Variants in PDCD1LG2 observed in about 807,000 individuals in gnomAD.
PDCD1LG2 encodes the protein B7 dendritic cell molecule.
A neutral mutation model predicts 28.2 loss-of-function variants in PDCD1LG2; 32 were observed. The ratio of observed to expected loss-of-function variants is 1.13; its 90% CI spans 0.86 to 1.52. The LOEUF (loss-of-function observed/expected upper bound fraction) is 1.52, where lower values mean the gene tolerates loss of function less well. Ranked by LOEUF, PDCD1LG2 falls within the 40% of genes most tolerant of loss-of-function variation. The pLI is 0.00. For missense variants in PDCD1LG2, 385 were observed against 323.8 expected, an observed-to-expected ratio of 1.19 and a Z score of -1.45; for synonymous variants, 116 against 120.2, an observed-to-expected ratio of 0.97 and a Z score of 0.23.
intron 3 of PDCD1LG2, among the ~76,000 whole-genome samples, chr9:5,548,574 T>C (rs1816258610): frequency 6.6e-6 from 1 of 152,212 alleles, no homozygotes; most frequent in South Asian, 2.1e-4. Flanking sequence ...AGGACCTCTA[T>C]ACTATTTTCC....
chr9:5,564,625 A>ATG (rs1816628010), intron 6 of PDCD1LG2, among the ~76,000 whole-genome samples: 1 of 152,154 alleles, frequency 6.6e-6, no homozygotes, highest in African/African-American at 2.4e-5. Flanking sequence ...CCCCCCAAAC[A>ATG]CTGTTTTCAT....
intron 2 of PDCD1LG2, 74 bp downstream of exon 2, chr9:5,522,675 A>C: frequency 5.1e-6 from 7 of 1,359,852 alleles, no homozygotes; most frequent in African/African-American, 1.4e-5. Flanking sequence ...AAAAATGAGA[A>C]TGTGGCCCTC....
chr9:5,538,605 G>A (rs1820628991), intron 3 of PDCD1LG2, among the ~76,000 whole-genome samples: 1 of 151,822 alleles, frequency 6.6e-6, no homozygotes, highest in South Asian at 2.1e-4. Context: ...GGAGAATGGC[G>A]TTAAGCCGGG....
intron 2 of PDCD1LG2, among the ~76,000 whole-genome samples, chr9:5,525,381 T>C (rs1820354189): frequency 6.7e-6 from 1 of 149,944 alleles, no homozygotes; most frequent in African/African-American, 2.4e-5. Context: ...CTTATGGCGG[T>C]ATTCTCAGTC....
At chr9:5,539,334 G>A (rs919914729) in intron 3 of PDCD1LG2, among the ~76,000 whole-genome samples, 1 of 152,184 alleles carries the variant, frequency 6.6e-6, no homozygotes, top group Non-Finnish European at 1.5e-5. Context: ...AGATAGATCT[G>A]AGGCCCCAAT....
At chr9:5,522,284 C>T (rs981956411) in intron 1 of PDCD1LG2, among the ~76,000 whole-genome samples, 2 of 152,172 alleles carry the variant, frequency 1.3e-5, no homozygotes, top group South Asian at 4.1e-4. Context: ...GGTTCATATT[C>T]AGAAACGGCC....
At chr9:5,552,550 A>G (rs1257524147) in intron 4 of PDCD1LG2, among the ~76,000 whole-genome samples, 1 of 152,192 alleles carries the variant, frequency 6.6e-6, no homozygotes, top group African/African-American at 2.4e-5. Flanking sequence ...GGAGGAAATG[A>G]GTTAGACCTT....
intron 1 of PDCD1LG2, among the ~76,000 whole-genome samples, chr9:5,521,018 A>G (rs1586792834): frequency 6.6e-6 from 1 of 152,210 alleles, no homozygotes; most frequent in African/African-American, 2.4e-5. Flanking sequence ...ATACAATGGA[A>G]TATTATTTAG....
intron 1 of PDCD1LG2, among the ~76,000 whole-genome samples, chr9:5,518,071 G>A (rs1002228335): frequency 2.0e-5 from 3 of 152,222 alleles, no homozygotes; most frequent in African/African-American, 7.2e-5. Flanking sequence ...GATGAGAAAT[G>A]CAGAGGTCTA....
At chr9:5,543,168 A>G (rs1272666776) in intron 3 of PDCD1LG2, among the ~76,000 whole-genome samples, 1 of 152,198 alleles carries the variant, frequency 6.6e-6, no homozygotes, top group African/African-American at 2.4e-5. Flanking sequence ...CTAAGCTATG[A>G]GGATGGAAAG....
intron 4 of PDCD1LG2, among the ~76,000 whole-genome samples, chr9:5,555,475 T>A (rs1816419525): frequency 6.6e-6 from 1 of 152,172 alleles, no homozygotes; most frequent in Non-Finnish European, 1.5e-5. Flanking sequence ...GCAAGAATTT[T>A]AAAACAACTT....
chr9:5,563,756 C>A (rs1816612921), intron 6 of PDCD1LG2, among the ~76,000 whole-genome samples: 1 of 152,078 alleles, frequency 6.6e-6, no homozygotes, highest in African/African-American at 2.4e-5. Flanking sequence ...TGGGGGCTGG[C>A]AAGTTTGAAA....
chr9:5,543,940 A>G (rs2129846905), intron 3 of PDCD1LG2, among the ~76,000 whole-genome samples: 1 of 152,370 alleles, frequency 6.6e-6, no homozygotes, highest in East Asian at 1.9e-4. Context: ...AGGCAATTTA[A>G]CAGATGAATT....
At chr9:5,521,784 A>G (rs1231869485) in intron 1 of PDCD1LG2, among the ~76,000 whole-genome samples, 3 of 152,216 alleles carry the variant, frequency 2.0e-5, no homozygotes, top group Non-Finnish European at 2.9e-5. Context: ...CATGGCTGAT[A>G]AAAGTTGGAA....
At chr9:5,567,996 T>G (rs1378841564) in intron 6 of PDCD1LG2, among the ~76,000 whole-genome samples, 1 of 152,262 alleles carries the variant, frequency 6.6e-6, no homozygotes, top group Admixed American at 6.5e-5. Context: ...ACCTGAGAAC[T>G]GACCACAGCG....
chr9:5,517,135 G>T (rs1408972381), intron 1 of PDCD1LG2, among the ~76,000 whole-genome samples: 2 of 152,228 alleles, frequency 1.3e-5, no homozygotes, highest in Non-Finnish European at 2.9e-5. Context: ...ATGTTAAATG[G>T]TAATGACTGC....
intron 3 of PDCD1LG2, among the ~76,000 whole-genome samples, chr9:5,537,855 T>G (rs963872167): frequency 6.6e-6 from 1 of 152,122 alleles, no homozygotes; most frequent in Non-Finnish European, 1.5e-5. Flanking sequence ...GTTGTGCACA[T>G]GTACCCTAAA....
intron 4 of PDCD1LG2, among the ~76,000 whole-genome samples, chr9:5,555,226 G>C (rs1816413759): frequency 6.6e-6 from 1 of 152,082 alleles, no homozygotes; most frequent in Non-Finnish European, 1.5e-5. Flanking sequence ...AATCAGCCTG[G>C]CTAACATGGT....
intron 1 of PDCD1LG2, among the ~76,000 whole-genome samples, chr9:5,512,597 C>T (rs991348579): frequency 1.8e-4 from 27 of 152,168 alleles, no homozygotes; most frequent in South Asian, 4.1e-4. Context: ...TATAATCTTT[C>T]TTTTATATTC....
Sources: gnomAD v4.1 joint callset for allele counts (sites outside exome capture counted in the v4.1 genomes callset) on GRCh38, gnomAD v4.1.1 for gene constraint, MANE v1.5 for transcripts, NCBI Gene and HGNC (gene_info 2026-07-23, HGNC 2026-07-21) for gene names.